The following PRCP variants were observed in gnomAD, a reference collection of about 807,000 sequenced individuals.
The protein encoded by PRCP is prolylcarboxypeptidase, also known as lysosomal Pro-X carboxypeptidase.
A neutral mutation model predicts 54.2 loss-of-function variants in PRCP; 46 were observed. That is an observed-to-expected ratio of 0.85 (90% confidence interval 0.67 to 1.09). The LOEUF is 1.09. Among genes scored for constraint, PRCP ranks in the 50% least tolerant of loss-of-function variants. The probability of loss-of-function intolerance (pLI) is 0.00; values close to 1 mark genes in which losing one functional copy is unlikely to be tolerated. For synonymous variants in PRCP, 240 were observed against 212.2 expected, an observed-to-expected ratio of 1.13 and a Z score of -1.14; for missense variants, 613 against 596.8, an observed-to-expected ratio of 1.03 and a Z score of -0.28.
intron 2 of PRCP, 88 bp downstream of exon 2, chr11:82,859,889 T>C (rs1565226507): frequency 1.5e-6 from 2 of 1,292,310 alleles, no homozygotes; most frequent in Non-Finnish European, 2.1e-6. Context: ...AACAGCAATG[T>C]TTGGTCATAC....
rs956929576 is a variant in PRCP, at chr11:82,900,238, C to G, written c.165G>C (p.Gln55His). 2 of 1,614,142 alleles carry G rather than the reference C, an allele frequency of 1.2e-6. No individual in the cohort carries two copies. Among genetic ancestry groups the G allele is most frequent in the South Asian group, 2.2e-5 (2 of 91,080 alleles). ...CGAAGCCCCCGCTCCCCCTTACCTT[C>G]TGTTGGAAGTAGAGAACCGAATAGT... The part of the protein sequence containing the change: ...AKNYSVLYFQ[Q>H]KVDHFGFNTV... Residue 55 changes from glutamine to histidine, a missense_variant, in exon 1 of 9, where the codon CAG becomes CAC. Coordinates refer to ENST00000313010, the MANE Select transcript of PRCP (RefSeq NM_005040.4).
intron 8 of PRCP, chr11:82,835,687 C>T: frequency 3.3e-6 from 1 of 306,616 alleles, no homozygotes; most frequent in East Asian, 9.7e-5. Flanking sequence ...GGAAAAAAGA[C>T]ATTTCTGATG....
intron 1 of PRCP, among the ~76,000 whole-genome samples, chr11:82,884,176 G>C (rs971203034): frequency 6.6e-6 from 1 of 152,188 alleles, no homozygotes; most frequent in African/African-American, 2.4e-5. Flanking sequence ...CCATTGTTTG[G>C]GTTGTAGTTC....
At chr11:82,883,606 T>C (rs1859800900) in intron 1 of PRCP, among the ~76,000 whole-genome samples, 1 of 152,146 alleles carries the variant, frequency 6.6e-6, no homozygotes, top group African/African-American at 2.4e-5. Context: ...ATTCAAGATA[T>C]CCCGGAAGGC....
intron 1 of PRCP, among the ~76,000 whole-genome samples, chr11:82,868,806 G>A (rs564302314): frequency 1.5e-3 from 234 of 152,100 alleles, no homozygotes; most frequent in Non-Finnish European, 2.6e-3. Context: ...AGGCTGAGGC[G>A]GGAGGATCAA....
chr11:82,900,475 T>G, upstream of PRCP: 1 of 1,510,582 alleles, frequency 6.6e-7, no homozygotes, highest in Non-Finnish European at 8.9e-7. Flanking sequence ...GGCTAAGCCC[T>G]GCCCAGCCTG....
At chr11:82,825,232 T>C (rs1858197625) in intron 8 of PRCP, 110 bp from the exon 9 acceptor site, 1 of 958,180 alleles carries the variant, frequency 1.0e-6, no homozygotes. Flanking sequence ...TATAAACTTG[T>C]AACCTGGGGG....
chr11:82,839,160 T>C, intron 7 of PRCP, 101 bp downstream of exon 7: 4 of 1,274,552 alleles, frequency 3.1e-6, no homozygotes, highest in Non-Finnish European at 4.4e-6. Flanking sequence ...CAAAACTGGA[T>C]CCAGGTTAGG....
intron 6 of PRCP, among the ~76,000 whole-genome samples, chr11:82,842,271 G>T (rs1195522545): frequency 6.6e-6 from 1 of 152,162 alleles, no homozygotes; most frequent in Non-Finnish European, 1.5e-5. Context: ...GCTGGAGACC[G>T]GCACTGGCTG....
chr11:82,851,558 C>A (rs543296296), intron 3 of PRCP, among the ~76,000 whole-genome samples: 14 of 151,194 alleles, frequency 9.3e-5, no homozygotes, highest in African/African-American at 3.4e-4. Context: ...AGCTGACATC[C>A]TAACCTCATG....
intron 1 of PRCP, among the ~76,000 whole-genome samples, chr11:82,894,530 T>A (rs1289503207): frequency 6.6e-6 from 1 of 152,184 alleles, no homozygotes; most frequent in Non-Finnish European, 1.5e-5. Flanking sequence ...ATCCAATCCA[T>A]TTATCTTACA....
intron 1 of PRCP, among the ~76,000 whole-genome samples, chr11:82,863,502 C>T (rs574390177): frequency 1.3e-5 from 2 of 152,196 alleles, no homozygotes; most frequent in South Asian, 2.1e-4. Flanking sequence ...GGCTCTCTAA[C>T]AAGATGCCTT....
intron 1 of PRCP, among the ~76,000 whole-genome samples, chr11:82,883,964 A>G (rs2121249658): frequency 6.6e-6 from 1 of 152,328 alleles, no homozygotes; most frequent in East Asian, 1.9e-4. Context: ...GAAGAGAGTC[A>G]TCACCGCTGC....
At chr11:82,837,570 CA>C (rs1489280065) in intron 8 of PRCP, among the ~76,000 whole-genome samples, 1 of 152,174 alleles carries the variant, frequency 6.6e-6, no homozygotes, top group African/African-American at 2.4e-5. Context: ...ATGACATTTA[CA>C]ATTTTAAAAA....
At chr11:82,895,713 G>A (rs1274106003) in intron 1 of PRCP, among the ~76,000 whole-genome samples, 2 of 152,086 alleles carry the variant, frequency 1.3e-5, no homozygotes, top group African/African-American at 2.4e-5. Flanking sequence ...AGGAGAAAGG[G>A]GAAGAAAAAT....
intron 5 of PRCP, among the ~76,000 whole-genome samples, chr11:82,849,553 C>G (rs1264626347): frequency 1.3e-5 from 2 of 151,924 alleles, no homozygotes; most frequent in East Asian, 3.9e-4. Context: ...ACAGTAGACA[C>G]AAAAAAGACA....
intron 1 of PRCP, among the ~76,000 whole-genome samples, chr11:82,896,858 C>T (rs1860130692): frequency 6.6e-6 from 1 of 152,072 alleles, no homozygotes. Flanking sequence ...TAATAAAAAT[C>T]TCTCTCATAG....
chr11:82,855,183 G>T (rs991685468), intron 2 of PRCP, among the ~76,000 whole-genome samples: 2 of 152,168 alleles, frequency 1.3e-5, no homozygotes, highest in African/African-American at 4.8e-5. Context: ...TGACAAGTGG[G>T]ACCTAATTAA....
At chr11:82,880,798 G>A (rs1479896966) in intron 1 of PRCP, among the ~76,000 whole-genome samples, 2 of 150,922 alleles carry the variant, frequency 1.3e-5, no homozygotes, top group African/African-American at 2.4e-5. Flanking sequence ...AAACTAGAGA[G>A]GAGGAAATGT....
Sources: allele counts gnomAD v4.1 joint callset (sites outside exome capture counted in the v4.1 genomes callset), GRCh38; gene constraint gnomAD v4.1.1; transcripts MANE v1.5; gene names NCBI Gene and HGNC (gene_info 2026-07-23, HGNC 2026-07-21).